Variants in BMPR1B observed in about 807,000 individuals in gnomAD.
BMPR1B encodes the protein bone morphogenetic protein receptor type-1B.
A neutral mutation model predicts 59.1 loss-of-function variants in BMPR1B; 12 were observed. That is an observed-to-expected ratio of 0.20 (90% CI 0.13 to 0.33). The LOEUF (loss-of-function observed/expected upper bound fraction) is 0.33. Among genes scored for constraint, BMPR1B ranks in the 10% least tolerant of loss-of-function variants. BMPR1B has a pLI of 1.00. For missense variants in BMPR1B, 550 were observed against 610.9 expected (o/e 0.90, Z 1.05); for synonymous variants, 237 against 207.3 (o/e 1.14, Z -1.23).
chr4:94,928,574 G>A (rs1444929), intron 2 of BMPR1B, among the ~76,000 whole-genome samples: 62,153 of 150,322 alleles, frequency 0.41, 13,970 homozygotes, highest in African/African-American at 0.6. Flanking sequence ...TGGAAGGCTG[G>A]GTTGTTTTTT....
chr4:95,140,076 C>A (rs1305668864), intron 10 of BMPR1B, among the ~76,000 whole-genome samples: 2 of 152,136 alleles, frequency 1.3e-5, no homozygotes, highest in Non-Finnish European at 2.9e-5. Flanking sequence ...TCCCCACCTG[C>A]TGTTTTTAGT....
At chr4:94,923,344 G>A (rs1354615267) in intron 2 of BMPR1B, among the ~76,000 whole-genome samples, 1 of 152,114 alleles carries the variant, frequency 6.6e-6, no homozygotes, top group Non-Finnish European at 1.5e-5. Context: ...CTACAGTTGG[G>A]ATGTGAATGC....
At chr4:95,126,964 A>T (rs189193364) in intron 8 of BMPR1B, among the ~76,000 whole-genome samples, 1 of 151,946 alleles carries the variant, frequency 6.6e-6, no homozygotes, top group African/African-American at 2.4e-5. Context: ...TTAATTTTGC[A>T]TCTTTTCTTT....
At position 95,063,316 on chromosome 4, in the gene BMPR1B, T is replaced by A. The variant is rs187840422; in HGVS notation, c.-17-41092T>A. ...TGTGCATGTTTCCATTTATAGATGT[T>A]AAGCACAGGACAAGTTAAGGATAGT... is the stretch of plus-strand genomic sequence containing the variant. On this transcript the variant is annotated intron_variant, in intron 3 of 12. Coordinates refer to ENST00000515059, the MANE Select transcript of BMPR1B (RefSeq NM_001203.3). Among the ~76,000 whole-genome samples, 254 of 152,278 alleles carry A rather than the reference T, an allele frequency of 1.7e-3. 2 individuals are homozygous for A. Among genetic ancestry groups the A allele is most frequent in the African/African-American group, 5.9e-3 (247 of 41,572 alleles).
intron 1 of BMPR1B, among the ~76,000 whole-genome samples, chr4:94,858,813 A>G (rs1213744264): frequency 6.6e-6 from 1 of 152,156 alleles, no homozygotes; most frequent in East Asian, 1.9e-4. Flanking sequence ...TTCATTTTTA[A>G]TACATCAAAG....
chr4:94,808,162 C>T (rs1181317419), intron 1 of BMPR1B, among the ~76,000 whole-genome samples: 3 of 152,042 alleles, frequency 2.0e-5, no homozygotes, highest in Non-Finnish European at 2.9e-5. Context: ...AATGTTTTTG[C>T]ATTTTCTTTC....
intron 2 of BMPR1B, among the ~76,000 whole-genome samples, chr4:94,899,954 G>A (rs879772690): frequency 2.6e-5 from 4 of 151,820 alleles, no homozygotes; most frequent in African/African-American, 9.7e-5. Context: ...CTTGCTATTC[G>A]AATTACCACC....
At chr4:95,068,603 C>T (rs1055401618) in intron 3 of BMPR1B, among the ~76,000 whole-genome samples, 9 of 152,192 alleles carry the variant, frequency 5.9e-5, no homozygotes, top group Admixed American at 2.6e-4. Flanking sequence ...CCCATGAAAG[C>T]AGACCTTACC....
At chr4:95,065,407 T>G (rs1347708145) in intron 3 of BMPR1B, among the ~76,000 whole-genome samples, 1 of 152,156 alleles carries the variant, frequency 6.6e-6, no homozygotes, top group Admixed American at 6.6e-5. Flanking sequence ...TAAAAAGCAA[T>G]GATTTGTACA....
At chr4:94,846,023 A>C (rs1312302455) in intron 1 of BMPR1B, among the ~76,000 whole-genome samples, 1 of 152,192 alleles carries the variant, frequency 6.6e-6, no homozygotes, top group African/African-American at 2.4e-5. Flanking sequence ...GAGCAAAAAG[A>C]ACAAAACTGG....
intron 3 of BMPR1B, among the ~76,000 whole-genome samples, chr4:95,002,716 A>G (rs1722538925): frequency 6.6e-6 from 1 of 152,152 alleles, no homozygotes; most frequent in Admixed American, 6.6e-5. Flanking sequence ...CTCCATCAAT[A>G]AAAAAGCCTG....
chr4:95,108,728 G>A (rs963289473), intron 4 of BMPR1B, among the ~76,000 whole-genome samples: 3 of 152,074 alleles, frequency 2.0e-5, no homozygotes, highest in African/African-American at 7.2e-5. Flanking sequence ...ACTGAATACA[G>A]TAATAGAGCC....
intron 1 of BMPR1B, among the ~76,000 whole-genome samples, chr4:94,851,742 G>A (rs1465629006): frequency 6.6e-6 from 1 of 152,012 alleles, no homozygotes; most frequent in Non-Finnish European, 1.5e-5. Context: ...AAACAAAGGA[G>A]TCAGTTGAGA....
At chr4:95,042,037 T>C (rs1219801817) in intron 3 of BMPR1B, among the ~76,000 whole-genome samples, 1 of 152,088 alleles carries the variant, frequency 6.6e-6, no homozygotes, top group East Asian at 1.9e-4. Context: ...TTTATATTTT[T>C]AGTAGAGACG....
Position 94,766,476 on chromosome 4 carries a change from A to G in BMPR1B, c.-183+8408A>G, listed in dbSNP as rs187303021. 5.3e-3 allele frequency among the ~76,000 whole-genome samples: 799 copies of G among 150,748 alleles called. 3 individuals are homozygous for G. The highest frequency in any genetic ancestry group is 0.019 in the African/African-American group (767 of 41,046). On this transcript the variant is annotated intron_variant, in intron 1 of 12. Transcript: ENST00000515059. ...AAATGAATGCTTTCCTTCACTACCCAGAAAACGACTTCCAGCCCTATACCT... is the reference window on the plus strand; with the variant it reads ...AAATGAATGCTTTCCTTCACTACCCGGAAAACGACTTCCAGCCCTATACCT...
intron 1 of BMPR1B, among the ~76,000 whole-genome samples, chr4:94,779,023 T>G (rs772820244): frequency 6.6e-6 from 1 of 152,174 alleles, no homozygotes; most frequent in Non-Finnish European, 1.5e-5. Flanking sequence ...TTCTCAATTT[T>G]AATGTAGTCA....
rs139751958 is a variant in BMPR1B at position 94,869,493 on chromosome 4, G to A, written c.-182-6338G>A. On this transcript the variant is annotated intron_variant, in intron 1 of 12. Transcript: ENST00000515059. Reference sequence around the variant, plus strand: ...TTCATCTGAGCTACTTTGTCTAAATGTTTATGCTATTCAGATAACATGTAT... The same window carrying A: ...TTCATCTGAGCTACTTTGTCTAAATATTTATGCTATTCAGATAACATGTAT... 7.3e-3 allele frequency among the ~76,000 whole-genome samples: 1,118 copies of A among 152,186 alleles called. 11 individuals carry two copies. The highest frequency in any genetic ancestry group is 7.9e-3 in the Non-Finnish European group (537 of 68,002).
chr4:94,818,200 T>C (rs144254090), intron 1 of BMPR1B, among the ~76,000 whole-genome samples: 11 of 152,350 alleles, frequency 7.2e-5, no homozygotes, highest in Non-Finnish European at 1.5e-4. Context: ...ATTGTGCTTT[T>C]AGTTATACTT....
intron 1 of BMPR1B, among the ~76,000 whole-genome samples, chr4:94,852,734 A>G (rs916685965): frequency 3.9e-5 from 6 of 152,164 alleles, no homozygotes; most frequent in South Asian, 2.1e-4. Context: ...AGCCAGAGCA[A>G]CTACTAGACT....
Sources: gnomAD v4.1 joint callset for allele counts (sites outside exome capture counted in the v4.1 genomes callset) on GRCh38, gnomAD v4.1.1 for gene constraint, MANE v1.5 for transcripts, NCBI Gene and HGNC (gene_info 2026-07-23, HGNC 2026-07-21) for gene names.